Variants in TYW1 observed in about 807,000 individuals in gnomAD.
TYW1 encodes tRNA-yW synthesizing protein 1 homolog, also known as S-adenosyl-L-methionine-dependent tRNA 4-demethylwyosine synthase TYW1.
Under a neutral mutation model 96.2 loss-of-function variants are expected in TYW1, and 46 were observed. The observed-to-expected ratio is 0.48, with a 90% CI of 0.38 to 0.61. TYW1 has a LOEUF of 0.61. Ranked by LOEUF, TYW1 falls within the 20% of genes least tolerant of loss-of-function variation. The pLI is 0.00. For synonymous variants in TYW1, 274 were observed against 323.0 expected (o/e 0.85, Z 1.63); for missense variants, 684 against 909.6 (o/e 0.75, Z 3.19).
At chr7:67,223,869 C>T (rs9691404) in intron 15 of TYW1, among the ~76,000 whole-genome samples, 37,015 of 146,958 alleles carry the variant, frequency 0.25, 5,088 homozygotes, top group African/African-American at 0.34. Context: ...ATGTTACAAG[C>T]CTTCAATAGA....
intron 13 of TYW1, among the ~76,000 whole-genome samples, chr7:67,153,285 A>G (rs1326835573): frequency 2.0e-5 from 3 of 152,128 alleles, no homozygotes; most frequent in Admixed American, 6.5e-5. Context: ...GCAAAGCCCC[A>G]TCTCTACTAA....
rs182463912 is a variant in TYW1, at chr7:67,118,828, C to G, written c.1698+1210C>G. ...CTGGGAGGCAGAGGTTGTAGTGAGC[C>G]GAGATTGCGCCACTGCACTCCAGCG... is the stretch of plus-strand genomic sequence containing the variant. On this transcript the variant is annotated intron_variant, in intron 13 of 15. Transcript: ENST00000359626. 1.8e-3 allele frequency among the ~76,000 whole-genome samples: 250 copies of G among 138,074 alleles called. 1 individual carries two copies. The highest frequency in any genetic ancestry group is 6.3e-3 in the African/African-American group (240 of 37,836). 90.6% of individuals were successfully genotyped at this position (138,074 alleles called of 152,430 possible).
intron 15 of TYW1, among the ~76,000 whole-genome samples, chr7:67,207,147 G>A (rs1800827972): frequency 6.6e-6 from 1 of 152,140 alleles, no homozygotes; most frequent in Non-Finnish European, 1.5e-5. Context: ...AGATCTGTAT[G>A]TACATATACC....
chr7:67,218,613 A>G (rs1801278977), intron 15 of TYW1, among the ~76,000 whole-genome samples: 2 of 152,142 alleles, frequency 1.3e-5, no homozygotes, highest in South Asian at 4.1e-4. Flanking sequence ...TCGGCCTTCC[A>G]AAGTGTTGGG....
At chr7:67,009,026 A>T (rs1480260522) in intron 3 of TYW1, among the ~76,000 whole-genome samples, 3 of 151,912 alleles carry the variant, frequency 2.0e-5, no homozygotes, top group African/African-American at 7.3e-5. Flanking sequence ...TATTTTCTTT[A>T]TGAGACAGGA....
intron 12 of TYW1, among the ~76,000 whole-genome samples, chr7:67,105,879 G>T (rs1339317991): frequency 1.4e-5 from 2 of 143,166 alleles, no homozygotes; most frequent in South Asian, 2.2e-4. Context: ...AGAGAGGAGA[G>T]AATATTCTTT....
intron 13 of TYW1, among the ~76,000 whole-genome samples, chr7:67,130,352 G>C (rs1417797750): frequency 6.7e-6 from 1 of 148,922 alleles, no homozygotes; most frequent in African/African-American, 2.5e-5. Context: ...CTGCACTTCA[G>C]CTTGGGAAAC....
Position 67,079,955 on chromosome 7 carries a change from T to C in TYW1, c.1275-3475T>C, listed in dbSNP as rs527592435. On this transcript the variant is annotated intron_variant, in intron 10 of 15. Coordinates refer to ENST00000359626, the MANE Select transcript of TYW1 (RefSeq NM_018264.4). The stretch of plus-strand genomic sequence containing the variant: ...GTATTCCATTGTCCAAAAACATACT[T>C]GATAGGATTTTGATTTTTTAACATT... Among the ~76,000 whole-genome samples, 13 of 152,314 alleles carry C rather than the reference T, an allele frequency of 8.5e-5. No homozygotes were observed. In the South Asian group the frequency reaches 2.7e-3, roughly 32 times the overall value.
intron 8 of TYW1, among the ~76,000 whole-genome samples, chr7:67,054,757 C>G (rs1795457592): frequency 6.6e-6 from 1 of 152,136 alleles, no homozygotes; most frequent in Non-Finnish European, 1.5e-5. Flanking sequence ...TGGCTTATTA[C>G]CTGAAGCCTC....
At position 67,238,435 on chromosome 7, in the gene TYW1, A is replaced by G; in HGVS notation, c.2105A>G (p.His702Arg). 1.2e-6 allele frequency: 2 copies of G among 1,613,910 alleles called. No homozygotes were observed. Among genetic ancestry groups the G allele is most frequent in the Non-Finnish European group, 1.7e-6 (2 of 1,179,866 alleles). The part of the protein sequence containing the change: ...SAKDYMARTP[H>R]WALFGASERG... Reference sequence around the variant, plus strand: ...AAGGATTATATGGCCAGAACTCCTCACTGGGCATTATTTGGTGCCAGTGAA... The same window carrying G: ...AAGGATTATATGGCCAGAACTCCTCGCTGGGCATTATTTGGTGCCAGTGAA... The change falls in exon 16 of 16, where the codon CAC (histidine) becomes CGC (arginine). Residue 702 changes from histidine (H) to arginine (R), a missense_variant. By Grantham distance (29) the His-to-Arg change is conservative. Coordinates refer to ENST00000359626, the MANE Select transcript of TYW1 (RefSeq NM_018264.4).
At chr7:67,044,218 C>T (rs933650175) in intron 7 of TYW1, among the ~76,000 whole-genome samples, 1 of 150,524 alleles carries the variant, frequency 6.6e-6, no homozygotes, top group Non-Finnish European at 1.5e-5. Context: ...TCTGCCTCAG[C>T]CTCCTGAATA....
At chr7:67,167,916 A>T (rs971410084) in intron 13 of TYW1, among the ~76,000 whole-genome samples, 6 of 151,758 alleles carry the variant, frequency 4.0e-5, no homozygotes, top group African/African-American at 1.5e-4. Flanking sequence ...CACCACGCCC[A>T]GATCATTTTT....
intron 1 of TYW1, among the ~76,000 whole-genome samples, chr7:66,997,820 GGTTTCACCAT>G (rs575345236): frequency 0.012 from 1,848 of 152,190 alleles, 35 homozygotes; most frequent in African/African-American, 0.042. Context: ...GTAGAGGCGG[GGTTTCACCAT>G]GTTGGCCAGG....
chr7:67,018,274 C>T lies in TYW1; in HGVS notation c.861+131C>T, dbSNP rs769645649. 5.7e-4 allele frequency: 701 copies of T among 1,226,938 alleles called. 3 individuals are homozygous for T. The highest frequency in any genetic ancestry group is 6.7e-4 in the Non-Finnish European group (597 of 895,288). 76.0% of individuals were successfully genotyped at this position (1,226,938 alleles called of 1,614,324 possible). A position where few individuals can be genotyped will look rare whatever the true frequency, so the allele number is the denominator to read the frequency against. On this transcript the variant is annotated intron_variant, in intron 6 of 15. Coordinates refer to ENST00000359626, the MANE Select transcript of TYW1 (RefSeq NM_018264.4). ...GAAGATCTGGCTGAGTGCAGTGGCT[C>T]GCACTTGTAATCCCCACACTTTGGG...
At chr7:67,210,821 T>A (rs1213305741) in intron 15 of TYW1, among the ~76,000 whole-genome samples, 1 of 82,550 alleles carries the variant, frequency 1.2e-5, no homozygotes, top group Non-Finnish European at 2.6e-5. Context: ...CCAGCTAATC[T>A]CTGTCTATTC....
chr7:67,144,707 C>G (rs1798552479), intron 13 of TYW1, among the ~76,000 whole-genome samples: 1 of 152,156 alleles, frequency 6.6e-6, no homozygotes, highest in Non-Finnish European at 1.5e-5. Flanking sequence ...TGAGCTGAAG[C>G]TATCTGCCCG....
chr7:67,075,666 A>C (rs1796179764), intron 10 of TYW1, among the ~76,000 whole-genome samples: 1 of 152,256 alleles, frequency 6.6e-6, no homozygotes, highest in South Asian at 2.1e-4. Context: ...TGCATTGCCT[A>C]GAATAGACAA....
chr7:67,058,561 C>A (rs937787055), intron 9 of TYW1, among the ~76,000 whole-genome samples: 1 of 152,086 alleles, frequency 6.6e-6, no homozygotes, highest in South Asian at 2.1e-4. Flanking sequence ...CGGCTCACTG[C>A]AGCCTCCCAC....
chr7:67,208,458 G>A (rs1800884428), intron 15 of TYW1, among the ~76,000 whole-genome samples: 2 of 152,202 alleles, frequency 1.3e-5, no homozygotes, highest in African/African-American at 2.4e-5. Context: ...TTGGGAGGCC[G>A]AGGTGGGCGG....
Sources: allele counts gnomAD v4.1 joint callset (sites outside exome capture counted in the v4.1 genomes callset), GRCh38; gene constraint gnomAD v4.1.1; transcripts MANE v1.5; gene names NCBI Gene and HGNC (gene_info 2026-07-23, HGNC 2026-07-21).